The following ABLIM3 variants were observed in gnomAD, a reference collection of about 807,000 sequenced individuals.
ABLIM3 encodes actin-binding LIM protein 3.
ABLIM3 carries 61 observed loss-of-function variants against 109.5 expected under a neutral mutation model. That is an observed-to-expected ratio of 0.56 (90% CI 0.45 to 0.69). ABLIM3 has a LOEUF of 0.69. Among genes scored for constraint, ABLIM3 ranks in the 30% least tolerant of loss-of-function variants. ABLIM3 has a pLI of 0.00. For synonymous variants in ABLIM3, 300 were observed against 324.8 expected (o/e 0.92, Z 0.82); for missense variants, 796 against 889.5 (o/e 0.89, Z 1.34).
chr5:149,259,291 G>C lies in ABLIM3; in HGVS notation c.*887G>C. 7.3e-7 allele frequency: 1 copy of C among 1,370,628 alleles called. No individual in the cohort carries two copies. The highest frequency in any genetic ancestry group is 2.8e-4 in the Middle Eastern group (1 of 3,610). The allele number at this position is 1,370,628 out of a possible 1,614,324, so 84.9% of individuals were successfully genotyped here. Reference sequence around the variant, plus strand: ...TTCCCTCTTTCAAGGAGAAGCCCATGATTGCAGCTTGTATTCTTTAGCCTT... The same window carrying C: ...TTCCCTCTTTCAAGGAGAAGCCCATCATTGCAGCTTGTATTCTTTAGCCTT... On this transcript the variant is annotated 3_prime_UTR_variant, in exon 24 of 24. Coordinates refer to ENST00000309868, the MANE Select transcript of ABLIM3 (RefSeq NM_014945.5).
chr5:149,212,211 G>C (rs1005571025), intron 7 of ABLIM3, among the ~76,000 whole-genome samples: 1 of 152,168 alleles, frequency 6.6e-6, no homozygotes, highest in African/African-American at 2.4e-5. Flanking sequence ...AATTTTCAGA[G>C]AGAGTCAGAG....
At chr5:149,182,566 T>G (rs1756558997) in intron 2 of ABLIM3, among the ~76,000 whole-genome samples, 1 of 152,176 alleles carries the variant, frequency 6.6e-6, no homozygotes, top group Admixed American at 6.5e-5. Flanking sequence ...GATGACTAGA[T>G]TTTAGAATAG....
At chr5:149,156,025 T>C (rs1753842743) in intron 2 of ABLIM3, among the ~76,000 whole-genome samples, 1 of 152,226 alleles carries the variant, frequency 6.6e-6, no homozygotes, top group African/African-American at 2.4e-5. Context: ...AGTGCAGCAA[T>C]GCAGTTGTGA....
At chr5:149,167,012 C>T (rs1000668637) in intron 2 of ABLIM3, among the ~76,000 whole-genome samples, 1 of 152,154 alleles carries the variant, frequency 6.6e-6, no homozygotes, top group East Asian at 1.9e-4. Flanking sequence ...TGATGCCACC[C>T]ATCTTTCAAG....
At chr5:149,188,199 T>G (rs1449280470) in intron 3 of ABLIM3, among the ~76,000 whole-genome samples, 2 of 152,108 alleles carry the variant, frequency 1.3e-5, no homozygotes, top group African/African-American at 4.8e-5. Context: ...ATAAAAGGCA[T>G]CCAGATTAAA....
At chr5:149,200,931 G>T (rs745465429) in intron 5 of ABLIM3, among the ~76,000 whole-genome samples, 7 of 152,110 alleles carry the variant, frequency 4.6e-5, no homozygotes, top group Non-Finnish European at 7.4e-5. Flanking sequence ...GCAAATGTCT[G>T]GGCTCACCCT....
intron 6 of ABLIM3, 111 bp from the exon 7 acceptor site, chr5:149,210,615 T>C: frequency 1.2e-6 from 1 of 824,374 alleles, no homozygotes; most frequent in Admixed American, 1.8e-5. Context: ...AAAGGAGAAG[T>C]ATCGAACTTT....
rs187807208 is a variant in ABLIM3, at chr5:149,218,503, C to A, written c.757+1457C>A. The A allele has an allele frequency of 1.1e-3, 163 of 152,406 alleles. 1 individual carries two copies. Among genetic ancestry groups the A allele is most frequent in the South Asian group, 2.1e-3 (10 of 4,824 alleles). The allele number at this position is 152,406 out of a possible 1,614,324, so 9.4% of individuals were successfully genotyped here. A position where few individuals can be genotyped will look rare whatever the true frequency, so the allele number is the denominator to read the frequency against. ...CACCAAAATGAGAGGACAGAGCCTG[C>A]AAGACTCTGAGGTGGGTGAAGAAAT... On this transcript the variant is annotated intron_variant, in intron 8 of 23. Transcript: ENST00000309868.
At chr5:149,254,836 A>G (rs948844730) in intron 23 of ABLIM3, among the ~76,000 whole-genome samples, 1 of 152,270 alleles carries the variant, frequency 6.6e-6, no homozygotes, top group Admixed American at 6.5e-5. Flanking sequence ...TAAAAATACC[A>G]TACAGGGGCC....
At chr5:149,229,414 A>G (rs1256135787) in intron 8 of ABLIM3, among the ~76,000 whole-genome samples, 1 of 152,160 alleles carries the variant, frequency 6.6e-6, no homozygotes, top group Non-Finnish European at 1.5e-5. Context: ...ATCCCACCTT[A>G]TTGTTCTTCA....
chr5:149,189,485 T>TA (rs1581086533), intron 3 of ABLIM3, among the ~76,000 whole-genome samples: 1 of 152,178 alleles, frequency 6.6e-6, no homozygotes, highest in Non-Finnish European at 1.5e-5. Context: ...CTCAGCTATG[T>TA]AAAGAATTCT....
At chr5:149,235,861 C>T (rs1342808872) in intron 10 of ABLIM3, among the ~76,000 whole-genome samples, 2 of 152,088 alleles carry the variant, frequency 1.3e-5, no homozygotes, top group African/African-American at 4.8e-5. Context: ...GTTAAGTGGA[C>T]CCACAGGAGA....
At chr5:149,252,322 AC>A in intron 22 of ABLIM3, 114 bp downstream of exon 22, 2 of 1,217,274 alleles carry the variant, frequency 1.6e-6, no homozygotes, top group South Asian at 3.2e-5. Flanking sequence ...TAGATAAATA[AC>A]CCCAGGGGTC....
Position 149,161,314 on chromosome 5 carries a change from G to A in ABLIM3, c.13+19206G>A, listed in dbSNP as rs1391545172. On this transcript the variant is annotated intron_variant, in intron 2 of 23. Transcript: ENST00000309868. ...AGGGTACACACTTAGAGAATGATCCGGGAAAGACTTAGGGACTCCGAGCTA... is the reference window on the plus strand; with the variant it reads ...AGGGTACACACTTAGAGAATGATCCAGGAAAGACTTAGGGACTCCGAGCTA... 7.9e-5 allele frequency among the ~76,000 whole-genome samples: 12 copies of A among 152,294 alleles called. No individual in the cohort carries two copies. In the East Asian group the frequency reaches 1.7e-3, roughly 22 times the overall value.
chr5:149,202,581 A>G (rs1758591674), intron 5 of ABLIM3, among the ~76,000 whole-genome samples: 1 of 152,246 alleles, frequency 6.6e-6, no homozygotes, highest in Admixed American at 6.5e-5. Context: ...GATTGCTAAG[A>G]AAAAGAACAT....
In ABLIM3 at chr5:149,230,699, A is replaced by T; in HGVS notation, c.808A>T (p.Lys270Ter). 1 of 1,614,002 alleles carries T rather than the reference A, an allele frequency of 6.2e-7. No individual in the cohort carries two copies. Among genetic ancestry groups the T allele is most frequent in the Non-Finnish European group, 8.5e-7 (1 of 1,179,962 alleles). The stretch of plus-strand genomic sequence containing the variant: ...CAAACAGGCAGCCCGGGCAGAGAAG[A>T]AGTTAAAGGTAAGCAAGCTAGTAGA... ...ICKQAARAEKKLKHRRTSETS... is the reference protein window; with the variant it reads ...ICKQAARAEK The change falls in exon 9 of 24, where the codon AAG (lysine) becomes TAG (stop). Residue 270 changes from lysine (K) to a stop codon, truncating the protein, a stop_gained. Coordinates refer to ENST00000309868, the MANE Select transcript of ABLIM3 (RefSeq NM_014945.5). LOFTEE classifies it high-confidence loss of function.
rs372804884 is a variant in ABLIM3, at chr5:149,249,747, C to T, written c.1700-68C>T. The stretch of plus-strand genomic sequence containing the variant: ...GTATGGAAGCCACATCTCTTTGTCC[C>T]CATGAATTGTCTTCACCATGTTTGT... On this transcript the variant is annotated intron_variant, in intron 18 of 23. Transcript: ENST00000309868. 14 of 1,591,870 alleles carry T rather than the reference C, an allele frequency of 8.8e-6. No individual in the cohort carries two copies. In the African/African-American group the frequency reaches 1.6e-4, roughly 18 times the overall value.
Position 149,247,696 on chromosome 5 carries a change from G to A in ABLIM3, c.1552-86G>A, listed in dbSNP as rs967399020. 10 of 1,541,692 alleles carry A rather than the reference G, an allele frequency of 6.5e-6. No homozygotes were observed. In the Admixed American group the frequency reaches 1.2e-4, roughly 18 times the overall value. The stretch of plus-strand genomic sequence containing the variant: ...ATGAGAGCAGGCTGCTATGGAGGAT[G>A]TGATCCTCAGCCTTGCCCAAGCCCG... On this transcript the variant is annotated intron_variant, in intron 17 of 23. Transcript: ENST00000309868.
chr5:149,251,235 C>T, intron 20 of ABLIM3, 124 bp from the exon 21 acceptor site: 1 of 1,002,838 alleles, frequency 1.0e-6, no homozygotes, highest in Non-Finnish European at 1.5e-6. Context: ...TAACTTGAGA[C>T]AGAGGCTGCT....
Sources: allele counts gnomAD v4.1 joint callset (sites outside exome capture counted in the v4.1 genomes callset), GRCh38; gene constraint gnomAD v4.1.1; transcripts MANE v1.5; gene names NCBI Gene and HGNC (gene_info 2026-07-23, HGNC 2026-07-21).